Variants in MAN1A1 observed in about 807,000 individuals in gnomAD.
MAN1A1 encodes the protein mannosidase alpha class 1A member 1.
MAN1A1 carries 29 observed loss-of-function variants against 70.8 expected under a neutral mutation model. That is an observed-to-expected ratio of 0.41 (90% CI 0.31 to 0.56). The LOEUF is 0.56. Among genes scored for constraint, MAN1A1 ranks in the 20% least tolerant of loss-of-function variants. The pLI is 0.29. For missense variants in MAN1A1, 747 were observed against 841.3 expected (o/e 0.89, Z 1.39); for synonymous variants, 349 against 330.1 (o/e 1.06, Z -0.62).
Position 119,349,640 on chromosome 6 carries a change from G to A in MAN1A1, c.-321C>T, listed in dbSNP as rs1476178831. The A allele has an allele frequency of 2.2e-5, 22 of 985,846 alleles. No individual in the cohort carries two copies. The highest frequency in any genetic ancestry group is 2.4e-5 in the Non-Finnish European group (20 of 830,046). The allele number at this position is 985,846 out of a possible 1,614,324, so 61.1% of individuals were successfully genotyped here. A position where few individuals can be genotyped will look rare whatever the true frequency, so the allele number is the denominator to read the frequency against. On this transcript the variant is annotated 5_prime_UTR_variant, in exon 1 of 13. Transcript: ENST00000368468. ...TGCTGCCTCTTTCCTAGGCTGGGCT[G>A]AGCGCGCTGTCCCACGGTCCCGCAG...
At chr6:119,264,405 C>T (rs773931862) in intron 5 of MAN1A1, among the ~76,000 whole-genome samples, 15 of 152,118 alleles carry the variant, frequency 9.9e-5, no homozygotes, top group Non-Finnish European at 5.9e-5. Flanking sequence ...GTGAACAAAG[C>T]AAAAATTGTT....
At chr6:119,252,980 G>A (rs1775365065) in intron 5 of MAN1A1, among the ~76,000 whole-genome samples, 2 of 151,830 alleles carry the variant, frequency 1.3e-5, no homozygotes, top group African/African-American at 4.8e-5. Flanking sequence ...TTGCATTTGA[G>A]GCAAGTTGGA....
At chr6:119,275,264 C>T (rs1275073806) in intron 5 of MAN1A1, among the ~76,000 whole-genome samples, 2 of 127,598 alleles carry the variant, frequency 1.6e-5, no homozygotes, top group Non-Finnish European at 3.3e-5. Flanking sequence ...GCATGCACCA[C>T]CATACCCAGC....
At chr6:119,308,706 TAAA>T (rs545313704) in intron 2 of MAN1A1, among the ~76,000 whole-genome samples, 2 of 152,176 alleles carry the variant, frequency 1.3e-5, no homozygotes, top group Non-Finnish European at 2.9e-5. Flanking sequence ...ACTAGGTATA[TAAA>T]AAATCTACAG....
At chr6:119,197,685 C>A (rs1773608377) in intron 8 of MAN1A1, among the ~76,000 whole-genome samples, 1 of 152,072 alleles carries the variant, frequency 6.6e-6, no homozygotes, top group African/African-American at 2.4e-5. Flanking sequence ...CTGAACATGG[C>A]CAAGCAGGCC....
intron 6 of MAN1A1, among the ~76,000 whole-genome samples, chr6:119,222,741 A>C (rs1472615555): frequency 6.6e-6 from 1 of 152,226 alleles, no homozygotes; most frequent in Non-Finnish European, 1.5e-5. Flanking sequence ...AAAAATGCAC[A>C]AAATTGCCTT....
At chr6:119,235,892 C>T (rs576978707) in intron 6 of MAN1A1, among the ~76,000 whole-genome samples, 2 of 152,248 alleles carry the variant, frequency 1.3e-5, no homozygotes, top group South Asian at 2.1e-4. Flanking sequence ...AATTCCAGCA[C>T]TTTGGGAGAC....
intron 6 of MAN1A1, among the ~76,000 whole-genome samples, chr6:119,246,312 A>T (rs1359564628): frequency 6.6e-6 from 1 of 152,184 alleles, no homozygotes; most frequent in Non-Finnish European, 1.5e-5. Flanking sequence ...CATCTGCTCT[A>T]GGATTGTAAA....
intron 6 of MAN1A1, among the ~76,000 whole-genome samples, chr6:119,215,695 A>G (rs1035020390): frequency 2.1e-4 from 32 of 152,180 alleles, no homozygotes; most frequent in African/African-American, 7.5e-4. Context: ...TATAATAACA[A>G]TATTTTTTGG....
chr6:119,349,884 G>C (rs552397889), upstream of MAN1A1: 429 of 423,154 alleles, frequency 1.0e-3, 11 homozygotes, highest in South Asian at 0.036. Flanking sequence ...GAGGCGAGGA[G>C]GGGGATGCGC....
chr6:119,254,663 A>C (rs751796127), intron 5 of MAN1A1, among the ~76,000 whole-genome samples: 14 of 152,294 alleles, frequency 9.2e-5, no homozygotes, highest in Non-Finnish European at 1.8e-4. Context: ...ATGTCCACTA[A>C]AAGAAAATAT....
intron 6 of MAN1A1, among the ~76,000 whole-genome samples, chr6:119,233,107 C>G (rs1297544015): frequency 1.3e-5 from 2 of 152,052 alleles, no homozygotes; most frequent in African/African-American, 4.8e-5. Flanking sequence ...TTGAATCTAG[C>G]AAAAATTTTG....
rs1773195696 is a variant in MAN1A1, at chr6:119,183,149, G to A, written c.1720-2722C>T. On this transcript the variant is annotated intron_variant, in intron 11 of 12. Transcript: ENST00000368468. ...TTTTTCACATCAGGGCTGGAGGACA[G>A]AAGGGAGAGAGCAGAGAGACTATGA... is the stretch of plus-strand genomic sequence containing the variant. 2.6e-5 allele frequency among the ~76,000 whole-genome samples: 4 copies of A among 152,336 alleles called. No homozygotes were observed. The South Asian group carries it at 6.2e-4, about 24-fold the overall frequency.
At chr6:119,214,229 G>A (rs980751818) in intron 6 of MAN1A1, among the ~76,000 whole-genome samples, 1 of 152,106 alleles carries the variant, frequency 6.6e-6, no homozygotes, top group Non-Finnish European at 1.5e-5. Flanking sequence ...CTCCCAAAGT[G>A]CTGGGATTCC....
intron 6 of MAN1A1, among the ~76,000 whole-genome samples, chr6:119,216,847 T>C (rs977588247): frequency 2.6e-5 from 4 of 152,212 alleles, no homozygotes; most frequent in Non-Finnish European, 5.9e-5. Flanking sequence ...ATACCATACA[T>C]GTTGTTGTAT....
At chr6:119,195,082 C>T (rs1340642577) in intron 8 of MAN1A1, among the ~76,000 whole-genome samples, 3 of 152,136 alleles carry the variant, frequency 2.0e-5, no homozygotes, top group Non-Finnish European at 4.4e-5. Context: ...CTGCCTGCCT[C>T]AGCCTCCCAA....
chr6:119,289,199 C>T (rs1776465418), intron 5 of MAN1A1, among the ~76,000 whole-genome samples: 1 of 151,704 alleles, frequency 6.6e-6, no homozygotes, highest in African/African-American at 2.4e-5. Context: ...ATGTGTTTTT[C>T]TTTGTATGCT....
intron 5 of MAN1A1, among the ~76,000 whole-genome samples, chr6:119,278,823 C>T (rs1247094857): frequency 1.3e-5 from 2 of 152,092 alleles, no homozygotes; most frequent in Non-Finnish European, 2.9e-5. Flanking sequence ...CCTTCTCTCT[C>T]TTGGTCCCTT....
chr6:119,296,677 C>T lies in MAN1A1; in HGVS notation c.816+5311G>A, dbSNP rs190463878. Among the ~76,000 whole-genome samples, 20 of 151,846 alleles carry T rather than the reference C, an allele frequency of 1.3e-4. No homozygotes were observed. In the East Asian group the frequency reaches 3.5e-3, roughly 26 times the overall value. On this transcript the variant is annotated intron_variant, in intron 4 of 12. Transcript: ENST00000368468. The stretch of plus-strand genomic sequence containing the variant: ...CTTTCTTGAAAAGTAGGAGGGCATT[C>T]CAACTGGGTATGCAAACAATCTGGA...
Sources: gnomAD v4.1 joint callset for allele counts (sites outside exome capture counted in the v4.1 genomes callset) on GRCh38, gnomAD v4.1.1 for gene constraint, MANE v1.5 for transcripts, NCBI Gene and HGNC (gene_info 2026-07-23, HGNC 2026-07-21) for gene names.